The following GCGR variants were observed in gnomAD, a reference collection of about 807,000 sequenced individuals.
The protein encoded by GCGR is glucagon receptor.
Under a neutral mutation model 56.1 loss-of-function variants are expected in GCGR, and 41 were observed. The ratio of observed to expected loss-of-function variants is 0.73; its 90% confidence interval spans 0.57 to 0.95. The LOEUF is 0.95. Among genes scored for constraint, GCGR ranks in the 40% least tolerant of loss-of-function variants. The pLI, the probability that GCGR is intolerant of heterozygous loss-of-function variation, is 0.00. For missense variants in GCGR, 595 were observed against 638.2 expected, an observed-to-expected ratio of 0.93 and a Z score of 0.73; for synonymous variants, 278 against 271.1, an observed-to-expected ratio of 1.03 and a Z score of -0.25.
At chr17:81,805,456 G>A (rs1053436712) in intron 1 of GCGR, among the ~76,000 whole-genome samples, 14 of 152,164 alleles carry the variant, frequency 9.2e-5, no homozygotes, top group African/African-American at 3.1e-4. Context: ...GTGGCATGCG[G>A]TGGGGGTCTA....
intron 1 of GCGR, among the ~76,000 whole-genome samples, chr17:81,805,494 C>T (rs1322897322): frequency 6.6e-6 from 1 of 151,668 alleles, no homozygotes; most frequent in Non-Finnish European, 1.5e-5. Context: ...ACCTCGGGAG[C>T]CCCCCCATTG....
In GCGR at chr17:81,804,246, C is replaced by G. The variant is rs1163277919; in HGVS notation, c.-181C>G. 1 of 151,532 alleles carries G rather than the reference C, an allele frequency of 6.6e-6. No homozygotes were observed. The highest frequency in any genetic ancestry group is 2.4e-5 in the African/African-American group (1 of 41,312). 9.4% of individuals were successfully genotyped at this position (151,532 alleles called of 1,614,324 possible). Reference sequence around the variant, plus strand: ...CCAAGCCGACCCCCGAGCAGCGCCGCGCGGTGAGCACCTGGGCCGCGGCCC... The same window carrying G: ...CCAAGCCGACCCCCGAGCAGCGCCGGGCGGTGAGCACCTGGGCCGCGGCCC... On this transcript the variant is annotated 5_prime_UTR_variant, in exon 1 of 14. Coordinates refer to ENST00000400723, the MANE Select transcript of GCGR (RefSeq NM_000160.5). This position sits in a 1 kb window ranked among gnomAD's most constrained non-coding sequence, Gnocchi z 8.2.
At position 81,812,595 on chromosome 17, in the gene GCGR, G is replaced by A. The variant is rs151274323; in HGVS notation, c.967G>A (p.Val323Ile). The A allele has an allele frequency of 4.0e-5, 61 of 1,536,504 alleles. No individual in the cohort carries two copies. The African/African-American group carries it at 5.7e-4, about 14-fold the overall frequency. The change falls in exon 11 of 14, where the codon GTC becomes ATC. Residue 323 changes from valine (V) to isoleucine (I), a missense_variant. By Grantham distance (29) the Val-to-Ile change is conservative. Coordinates refer to ENST00000400723, the MANE Select transcript of GCGR (RefSeq NM_000160.5). This position sits in a 1 kb window ranked among gnomAD's most constrained non-coding sequence, Gnocchi z 8.5. The part of the protein sequence containing the change: ...LAILINFFIF[V>I]RIVQLLVAKL... ...CACACAGATCAACTTCTTCATCTTCGTCCGCATCGTTCAGCTGCTCGTGGC... is the reference window on the plus strand; with the variant it reads ...CACACAGATCAACTTCTTCATCTTCATCCGCATCGTTCAGCTGCTCGTGGC...
rs1365987180 is a variant in GCGR, at chr17:81,813,629, T to G, written c.1374T>G (p.Asp458Glu). The G allele has an allele frequency of 1.3e-6, 2 of 1,536,376 alleles. No homozygotes were observed. The highest frequency in any genetic ancestry group is 1.7e-6 in the Non-Finnish European group (2 of 1,146,816). Residue 458 changes from aspartate to glutamate, a missense_variant, in exon 14 of 14, where the codon GAT becomes GAG. By Grantham distance (45) the Asp-to-Glu change is conservative. Coordinates refer to ENST00000400723, the MANE Select transcript of GCGR (RefSeq NM_000160.5). This position sits in a 1 kb window ranked among gnomAD's most constrained non-coding sequence, Gnocchi z 5.3. ...LQFGRGGGSQDSSAETPLAGG... is the reference protein window; with the variant it reads ...LQFGRGGGSQESSAETPLAGG... ...TTGGGAGGGGTGGTGGCAGCCAGGATTCATCTGCGGAGACCCCCTTGGCTG... is the reference window on the plus strand; with the variant it reads ...TTGGGAGGGGTGGTGGCAGCCAGGAGTCATCTGCGGAGACCCCCTTGGCTG...
rs1481545903 is a variant in GCGR at position 81,806,173 on chromosome 17, C to A, written c.-178+1924C>A. Among the ~76,000 whole-genome samples, 3 of 152,148 alleles carry A rather than the reference C, an allele frequency of 2.0e-5. No homozygotes were observed. The highest frequency in any genetic ancestry group is 4.4e-5 in the Non-Finnish European group (3 of 68,006). ...TTGGTCCCCCCCCGGCTCCACCCAC[C>A]CCTGTTGGGGTGAGGAGCTGGAGTC... On this transcript the variant is annotated intron_variant, in intron 1 of 13. Coordinates refer to ENST00000400723, the MANE Select transcript of GCGR (RefSeq NM_000160.5). The surrounding 1 kb of genome is among the most constrained non-coding windows in gnomAD (Gnocchi z 6.5).
chr17:81,808,815 G>A (rs1219522016), intron 1 of GCGR, 27 bp from the exon 2 acceptor site: 24 of 629,082 alleles, frequency 3.8e-5, no homozygotes, highest in South Asian at 7.9e-5. Context: ...CGCCGCGCCC[G>A]GCCCCCAGCT....
chr17:81,809,055 T>C lies in GCGR; in HGVS notation c.37T>C (p.Leu13=). The C allele has an allele frequency of 6.5e-7, 1 of 1,535,994 alleles. No homozygotes were observed. ...PCQPQRPLLL[L]LLLLACQPQV... ...CCAGCCACAGCGACCCCTGCTGCTG[T>C]TGCTGCTGCTGCTGGCCTGCCAGGT... Residue 13 remains leucine (L), a synonymous_variant, in exon 2 of 14, where the codon TTG becomes CTG. Coordinates refer to ENST00000400723, the MANE Select transcript of GCGR (RefSeq NM_000160.5).
At chr17:81,805,275 G>C (rs1291199106) in intron 1 of GCGR, 2 of 152,456 alleles carry the variant, frequency 1.3e-5, no homozygotes, top group African/African-American at 2.4e-5. Flanking sequence ...AATCGGTGGA[G>C]CCTGACGCAG....
At chr17:81,809,977 C>T in intron 3 of GCGR, 93 bp downstream of exon 3, 2 of 956,550 alleles carry the variant, frequency 2.1e-6, no homozygotes, top group Non-Finnish European at 3.2e-6. Flanking sequence ...CTTATGCAGC[C>T]TTTGAGGACC....
At position 81,811,154 on chromosome 17, in the gene GCGR, C is replaced by T. The variant is rs962513939; in HGVS notation, c.393+23C>T. 3.9e-6 allele frequency: 6 copies of T among 1,535,908 alleles called. No homozygotes were observed. Among genetic ancestry groups the T allele is most frequent in the South Asian group, 2.4e-5 (2 of 84,054 alleles). ...CAGGTCAGTGGGCGGCAGGCAGGCG[C>T]GGTGGGGCTGGATGGGAACGGGCAT... On this transcript the variant is annotated intron_variant, in intron 5 of 13. Coordinates refer to ENST00000400723, the MANE Select transcript of GCGR (RefSeq NM_000160.5). The surrounding 1 kb of genome is among the most constrained non-coding windows in gnomAD (Gnocchi z 5.8).
intron 2 of GCGR, 83 bp downstream of exon 2, chr17:81,809,161 T>G (rs937066739): frequency 4.8e-6 from 7 of 1,465,890 alleles, no homozygotes; most frequent in Non-Finnish European, 5.5e-6. Flanking sequence ...CCTGCCTGCC[T>G]GCCTGCCTGT....
Position 81,812,037 on chromosome 17 carries a change from C to T in GCGR, c.878+91C>T, listed in dbSNP as rs1434308120. ...AGGCAGGGAGGGGCCGGGGATGAGC[C>T]TGGTGCCTGGGGAGGGGGTCATTTG... On this transcript the variant is annotated intron_variant, in intron 9 of 13. Transcript: ENST00000400723. This position sits in a 1 kb window ranked among gnomAD's most constrained non-coding sequence, Gnocchi z 8.5. 1 of 1,514,984 alleles carries T rather than the reference C, an allele frequency of 6.6e-7. No homozygotes were observed. The highest frequency in any genetic ancestry group is 1.4e-5 in the African/African-American group (1 of 72,376). 93.8% of individuals were successfully genotyped at this position (1,514,984 alleles called of 1,614,324 possible). A position where few individuals can be genotyped will look rare whatever the true frequency, so the allele number is the denominator to read the frequency against.
Position 81,810,121 on chromosome 17 carries a change from C to T in GCGR, c.163+237C>T, listed in dbSNP as rs2038063122. On this transcript the variant is annotated intron_variant, in intron 3 of 13. Transcript: ENST00000400723. The surrounding 1 kb of genome is among the most constrained non-coding windows in gnomAD (Gnocchi z 4.6). ...AAATAACAGAACGGTGGCATTGCCCCAGAACCGGCTGCTGCTGCTGCCCCC... is the reference window on the plus strand; with the variant it reads ...AAATAACAGAACGGTGGCATTGCCCTAGAACCGGCTGCTGCTGCTGCCCCC... 1.7e-6 allele frequency: 1 copy of T among 594,144 alleles called. No homozygotes were observed. Among genetic ancestry groups the T allele is most frequent in the Non-Finnish European group, 3.1e-6 (1 of 326,318 alleles). The allele number at this position is 594,144 out of a possible 1,614,324, so 36.8% of individuals were successfully genotyped here. A position where few individuals can be genotyped will look rare whatever the true frequency, so the allele number is the denominator to read the frequency against.
At chr17:81,809,374 GTC>G (rs1285542915) in intron 2 of GCGR, among the ~76,000 whole-genome samples, 18 of 143,722 alleles carry the variant, frequency 1.3e-4, no homozygotes, top group Non-Finnish European at 1.5e-4. Context: ...CTGCCTGTCT[GTC>G]TGCTGCCTGT....
At position 81,811,827 on chromosome 17, in the gene GCGR, G is replaced by A. The variant is rs887401793; in HGVS notation, c.817+17G>A. On this transcript the variant is annotated intron_variant, in intron 8 of 13. Coordinates refer to ENST00000400723, the MANE Select transcript of GCGR (RefSeq NM_000160.5). The surrounding 1 kb of genome is among the most constrained non-coding windows in gnomAD (Gnocchi z 5.8). ...TCGGCTGGGGTGAGTGGGCTGGCAT[G>A]AGAGGGGGTTAAGGCAGGCTGACCA... 1.3e-6 allele frequency: 2 copies of A among 1,536,812 alleles called. No individual in the cohort carries two copies. The highest frequency in any genetic ancestry group is 1.4e-5 in the African/African-American group (1 of 73,034).
rs1424994326 is a variant in GCGR at position 81,811,174 on chromosome 17, G to A, written c.393+43G>A. The A allele has an allele frequency of 1.7e-5, 26 of 1,536,058 alleles. No homozygotes were observed. Among genetic ancestry groups the A allele is most frequent in the African/African-American group, 2.7e-5 (2 of 73,162 alleles). On this transcript the variant is annotated intron_variant, in intron 5 of 13. Coordinates refer to ENST00000400723, the MANE Select transcript of GCGR (RefSeq NM_000160.5). The surrounding 1 kb of genome is among the most constrained non-coding windows in gnomAD (Gnocchi z 5.8). ...AGGCGCGGTGGGGCTGGATGGGAAC[G>A]GGCATGGGGGCCCCTGCCTGGCCCT...
rs758274454 is a variant in GCGR, at chr17:81,810,010, C to G, written c.163+126C>G. ...ACCCCGCCAAGGGGCCCTGTCATTC[C>G]TCAGGCCCCCACCACCGTGGGCAGG... On this transcript the variant is annotated intron_variant, in intron 3 of 13. Coordinates refer to ENST00000400723, the MANE Select transcript of GCGR (RefSeq NM_000160.5). This position sits in a 1 kb window ranked among gnomAD's most constrained non-coding sequence, Gnocchi z 4.6. The G allele has an allele frequency of 4.0e-6, 3 of 751,384 alleles. No individual in the cohort carries two copies. Among genetic ancestry groups the G allele is most frequent in the Non-Finnish European group, 7.0e-6 (3 of 431,318 alleles). The allele number at this position is 751,384 out of a possible 1,614,324, so 46.5% of individuals were successfully genotyped here. A position where few individuals can be genotyped will look rare whatever the true frequency, so the allele number is the denominator to read the frequency against.
intron 1 of GCGR, among the ~76,000 whole-genome samples, chr17:81,805,694 C>CCT: frequency 6.6e-6 from 1 of 151,462 alleles, no homozygotes; most frequent in African/African-American, 2.4e-5. Flanking sequence ...GGAACCCCCC[C>CCT]TATTGGGCAC....
In GCGR at chr17:81,811,382, C is replaced by T. The variant is rs1421516838; in HGVS notation, c.501-22C>T. 11 of 1,535,800 alleles carry T rather than the reference C, an allele frequency of 7.2e-6. No individual in the cohort carries two copies. The highest frequency in any genetic ancestry group is 5.9e-5 in the Admixed American group (3 of 50,980). ...CGCAGAGGACAGGGAGGAGGACGGG[C>T]GCTGACTGGCTGTGCCCACAGCAAG... On this transcript the variant is annotated intron_variant, in intron 6 of 13. Coordinates refer to ENST00000400723, the MANE Select transcript of GCGR (RefSeq NM_000160.5). This position sits in a 1 kb window ranked among gnomAD's most constrained non-coding sequence, Gnocchi z 5.8.
Sources: allele counts gnomAD v4.1 joint callset (sites outside exome capture counted in the v4.1 genomes callset), GRCh38; gene constraint gnomAD v4.1.1; non-coding constraint Gnocchi (gnomAD v3.1); transcripts MANE v1.5; gene names NCBI Gene and HGNC (gene_info 2026-07-23, HGNC 2026-07-21).